The following FGF12 variants were observed in gnomAD, a reference collection of about 807,000 sequenced individuals.
The protein encoded by FGF12 is fibroblast growth factor 12B.
In FGF12, 14 loss-of-function variants were observed where a neutral mutation model predicts 23.6. The ratio of observed to expected loss-of-function variants is 0.59; its 90% CI spans 0.39 to 0.93. FGF12 has a LOEUF of 0.93. FGF12 is among the 40% of genes least tolerant of loss of function. FGF12 has a pLI of 0.00. For synonymous variants in FGF12, 62 were observed against 77.3 expected (o/e 0.80, Z 1.04); for missense variants, 175 against 217.8 (o/e 0.80, Z 1.24).
intron 4 of FGF12, among the ~76,000 whole-genome samples, chr3:192,310,335 T>A (rs1378487489): frequency 6.6e-6 from 1 of 152,224 alleles, no homozygotes; most frequent in East Asian, 1.9e-4. Flanking sequence ...TATCATAAAA[T>A]GTATGAACTA....
At chr3:192,706,055 C>T (rs1718457839) in intron 2 of FGF12, among the ~76,000 whole-genome samples, 2 of 152,140 alleles carry the variant, frequency 1.3e-5, no homozygotes, top group African/African-American at 4.8e-5. Flanking sequence ...TAATCCTTAG[C>T]CTCCCTTTAA....
intron 2 of FGF12, among the ~76,000 whole-genome samples, chr3:192,623,427 T>C (rs1429656835): frequency 1.7e-5 from 1 of 59,582 alleles, no homozygotes; most frequent in Non-Finnish European, 2.9e-5. Context: ...CTAATACAGA[T>C]TTGGGGGGTG....
chr3:192,529,190 C>G (rs1165896572), intron 2 of FGF12, among the ~76,000 whole-genome samples: 9 of 152,200 alleles, frequency 5.9e-5, no homozygotes, highest in Non-Finnish European at 1.0e-4. Context: ...CAAGTCACAT[C>G]TTGAATGCTT....
At chr3:192,229,023 T>C (rs1308817372) in intron 4 of FGF12, among the ~76,000 whole-genome samples, 1 of 152,064 alleles carries the variant, frequency 6.6e-6, no homozygotes, top group Non-Finnish European at 1.5e-5. Context: ...CAGGCTATGG[T>C]AGAGCTTATT....
At chr3:192,487,500 G>T (rs1240716844) in intron 2 of FGF12, among the ~76,000 whole-genome samples, 1 of 152,128 alleles carries the variant, frequency 6.6e-6, no homozygotes, top group South Asian at 2.1e-4. Flanking sequence ...TCTCAAGCTC[G>T]CCTGTTCGAT....
intron 4 of FGF12, among the ~76,000 whole-genome samples, chr3:192,294,674 T>G (rs1477101755): frequency 6.6e-6 from 1 of 152,212 alleles, no homozygotes; most frequent in Non-Finnish European, 1.5e-5. Context: ...AACATGCTTT[T>G]TTGCTTTCTT....
intron 4 of FGF12, among the ~76,000 whole-genome samples, chr3:192,208,544 C>T (rs575072878): frequency 6.6e-6 from 1 of 152,182 alleles, no homozygotes; most frequent in East Asian, 1.9e-4. Context: ...TATATATATA[C>T]ACCAAATTAT....
intron 2 of FGF12, among the ~76,000 whole-genome samples, chr3:192,483,786 GA>G (rs113707140): frequency 1.3e-5 from 2 of 151,534 alleles, no homozygotes; most frequent in African/African-American, 4.8e-5. Context: ...TACCCTAGAA[GA>G]AAAAAAATGT....
intron 4 of FGF12, among the ~76,000 whole-genome samples, chr3:192,193,756 C>T (rs978879916): frequency 1.3e-5 from 2 of 152,130 alleles, no homozygotes; most frequent in African/African-American, 4.8e-5. Context: ...TAGAAAGCAG[C>T]CACTGTCTTC....
chr3:192,406,890 G>C (rs1294841566), intron 2 of FGF12, among the ~76,000 whole-genome samples: 2 of 152,184 alleles, frequency 1.3e-5, no homozygotes, highest in Admixed American at 1.3e-4. Context: ...GCCACAGTCA[G>C]AGTTGCAAAG....
In FGF12 at chr3:192,671,077, C is replaced by T. The variant is rs1384730314; in HGVS notation, c.13+56104G>A. 3.3e-5 allele frequency among the ~76,000 whole-genome samples: 5 copies of T among 151,908 alleles called. No homozygotes were observed. In the East Asian group the frequency reaches 9.7e-4, roughly 29 times the overall value. On this transcript the variant is annotated intron_variant, in intron 2 of 5. Transcript: ENST00000445105. ...CTTGGAAACTGGAATATCGTAAGTACGAAAATAGGTTTTCAATGAATAAAT... is the reference window on the plus strand; with the variant it reads ...CTTGGAAACTGGAATATCGTAAGTATGAAAATAGGTTTTCAATGAATAAAT...
chr3:192,318,676 GAAT>G (rs1392792416), intron 4 of FGF12, among the ~76,000 whole-genome samples: 3 of 151,898 alleles, frequency 2.0e-5, no homozygotes, highest in African/African-American at 4.8e-5. Context: ...TTATTCAAAA[GAAT>G]AATAACAGAG....
At chr3:192,492,928 G>C (rs13315451) in intron 2 of FGF12, among the ~76,000 whole-genome samples, 166 of 148,540 alleles carry the variant, frequency 1.1e-3, no homozygotes, top group African/African-American at 4.0e-3. Context: ...CCACAGGCAT[G>C]TGCTATCATG....
At chr3:192,685,268 G>A (rs181356897) in intron 2 of FGF12, among the ~76,000 whole-genome samples, 1,966 of 152,156 alleles carry the variant, frequency 0.013, 45 homozygotes, top group African/African-American at 0.046. Flanking sequence ...AGTCAGGATG[G>A]TTTTGATCTC....
chr3:192,181,722 C>T (rs1716190611), intron 4 of FGF12, among the ~76,000 whole-genome samples: 1 of 137,828 alleles, frequency 7.3e-6, no homozygotes, highest in South Asian at 2.4e-4. Context: ...CCTCCACTGC[C>T]CCAGCTCAAG....
chr3:192,164,017 T>C (rs1715022295), intron 5 of FGF12, among the ~76,000 whole-genome samples: 1 of 152,164 alleles, frequency 6.6e-6, no homozygotes, highest in Admixed American at 6.5e-5. Context: ...CTTAAATCTT[T>C]GCAAAGTACA....
chr3:192,177,994 A>G (rs1715952130), intron 4 of FGF12, among the ~76,000 whole-genome samples: 1 of 152,114 alleles, frequency 6.6e-6, no homozygotes, highest in South Asian at 2.1e-4. Context: ...TTCTCTTCGT[A>G]TTCTCAACAG....
intron 2 of FGF12, among the ~76,000 whole-genome samples, chr3:192,647,751 A>G (rs1716067972): frequency 6.7e-6 from 1 of 150,022 alleles, no homozygotes; most frequent in Non-Finnish European, 1.5e-5. Flanking sequence ...GTATATATAC[A>G]CATATATATA....
intron 2 of FGF12, among the ~76,000 whole-genome samples, chr3:192,427,526 T>C (rs544256928): frequency 2.2e-4 from 34 of 152,234 alleles, no homozygotes; most frequent in Non-Finnish European, 2.9e-4. Context: ...CACTTTGACA[T>C]GTGATTTGCA....
Sources: gnomAD v4.1 joint callset for allele counts (sites outside exome capture counted in the v4.1 genomes callset) on GRCh38, gnomAD v4.1.1 for gene constraint, MANE v1.5 for transcripts, NCBI Gene and HGNC (gene_info 2026-07-23, HGNC 2026-07-21) for gene names.